The following PRKCB variants were observed in gnomAD, a reference collection of about 807,000 sequenced individuals.
PRKCB encodes protein kinase C beta type.
Under a neutral mutation model 81.5 loss-of-function variants are expected in PRKCB, and 13 were observed. The observed-to-expected ratio is 0.16, with a 90% CI of 0.10 to 0.25. The LOEUF (loss-of-function observed/expected upper bound fraction) is 0.25, where lower values mean the gene tolerates loss of function less well. PRKCB is among the 10% of genes least tolerant of loss of function. The pLI, the probability that PRKCB is intolerant of heterozygous loss-of-function variation, is 1.00. For missense variants in PRKCB, 509 were observed against 875.7 expected, an observed-to-expected ratio of 0.58 and a Z score of 5.29; for synonymous variants, 335 against 321.4, an observed-to-expected ratio of 1.04 and a Z score of -0.45.
intron 5 of PRKCB, among the ~76,000 whole-genome samples, chr16:24,091,499 T>C (rs967322823): frequency 6.6e-6 from 1 of 152,252 alleles, no homozygotes; most frequent in Non-Finnish European, 1.5e-5. Context: ...GGTTTCTGAA[T>C]TGATTCCTAA....
intron 3 of PRKCB, among the ~76,000 whole-genome samples, chr16:23,991,060 G>C (rs1964880514): frequency 6.6e-6 from 1 of 152,160 alleles, no homozygotes; most frequent in South Asian, 2.1e-4. Flanking sequence ...TACCCACTTA[G>C]ACTTGACAGC....
chr16:24,101,456 T>C (rs1326421692), intron 7 of PRKCB, among the ~76,000 whole-genome samples: 1 of 152,180 alleles, frequency 6.6e-6, no homozygotes. Flanking sequence ...GGAGGATCAC[T>C]TGGGCCCAGG....
chr16:24,037,146 G>A (rs964636656), intron 5 of PRKCB, among the ~76,000 whole-genome samples: 13 of 152,032 alleles, frequency 8.6e-5, no homozygotes, highest in East Asian at 5.8e-4. Flanking sequence ...CCACCACCAC[G>A]CCTGGCTAAT....
At chr16:23,919,178 A>T (rs1963787079) in intron 2 of PRKCB, among the ~76,000 whole-genome samples, 1 of 152,192 alleles carries the variant, frequency 6.6e-6, no homozygotes, top group African/African-American at 2.4e-5. Context: ...TCACAGTGTG[A>T]TGTAAGGGAT....
chr16:24,021,050 CTTTCTT>C, intron 3 of PRKCB, among the ~76,000 whole-genome samples: 7 of 82,912 alleles, frequency 8.4e-5, no homozygotes, highest in Non-Finnish European at 1.3e-4. Flanking sequence ...CTCTTTCTTT[CTTTCTT>C]TCCCTCCCTC....
chr16:24,183,952 A>G (rs1037008812), intron 13 of PRKCB, among the ~76,000 whole-genome samples: 2 of 152,234 alleles, frequency 1.3e-5, no homozygotes, highest in African/African-American at 4.8e-5. Context: ...TATATACCAT[A>G]TGATACACCA....
chr16:24,092,479 T>C (rs924044163), intron 5 of PRKCB, among the ~76,000 whole-genome samples: 3 of 152,238 alleles, frequency 2.0e-5, no homozygotes, highest in Non-Finnish European at 2.9e-5. Flanking sequence ...GAAAACGTTA[T>C]GCTAAATGAA....
At chr16:23,873,171 C>A (rs1424013588) in intron 2 of PRKCB, among the ~76,000 whole-genome samples, 2 of 90,276 alleles carry the variant, frequency 2.2e-5, no homozygotes, top group Non-Finnish European at 4.5e-5. Flanking sequence ...CTACTAAAAA[C>A]ACACACACAC....
chr16:23,972,998 T>C (rs1964578688), intron 2 of PRKCB, among the ~76,000 whole-genome samples: 2 of 152,222 alleles, frequency 1.3e-5, no homozygotes, highest in African/African-American at 4.8e-5. Context: ...TTTTAATGTG[T>C]TGTCACATTT....
intron 10 of PRKCB, among the ~76,000 whole-genome samples, chr16:24,165,733 C>T (rs1967331791): frequency 6.6e-6 from 1 of 151,922 alleles, no homozygotes. Flanking sequence ...GATGAATTTC[C>T]ATTTATGACT....
chr16:24,058,751 G>T (rs1018435540), intron 5 of PRKCB, among the ~76,000 whole-genome samples: 3 of 152,196 alleles, frequency 2.0e-5, no homozygotes, highest in Admixed American at 2.0e-4. Flanking sequence ...GCTCACAGAA[G>T]AGCTTGCTCA....
At chr16:24,135,504 G>C (rs1406543692) in intron 9 of PRKCB, among the ~76,000 whole-genome samples, 1 of 151,750 alleles carries the variant, frequency 6.6e-6, no homozygotes, top group African/African-American at 2.4e-5. Context: ...ATAGAGACAG[G>C]GTTTCACCAT....
rs28548742 is a variant in PRKCB, at chr16:24,067,960, G to A, written c.530-24831G>A. 1.2e-3 allele frequency among the ~76,000 whole-genome samples: 164 copies of A among 142,488 alleles called. 1 individual carries two copies. Among genetic ancestry groups the A allele is most frequent in the African/African-American group, 4.1e-3 (159 of 38,432 alleles). The allele number at this position is 142,488 out of a possible 152,430, so 93.5% of individuals were successfully genotyped here. A position where few individuals can be genotyped will look rare whatever the true frequency, so the allele number is the denominator to read the frequency against. ...CCGTCTCAAAAAAAAAAAAAAAAAA[G>A]AGAGAGAGAGAGAGCTGAGGAAGAG... is the stretch of plus-strand genomic sequence containing the variant. On this transcript the variant is annotated intron_variant, in intron 5 of 16. Coordinates refer to ENST00000643927, the MANE Select transcript of PRKCB (RefSeq NM_002738.7).
rs1963443036 is a variant in PRKCB at position 23,899,873 on chromosome 16, G to T, written c.205+62467G>T. On this transcript the variant is annotated intron_variant, in intron 2 of 16. Coordinates refer to ENST00000643927, the MANE Select transcript of PRKCB (RefSeq NM_002738.7). ...TATTTATTTATTTATTTATTGTAGA[G>T]ATAGGGCCTTGCTATGTTGCTCAGG... 2.0e-5 allele frequency among the ~76,000 whole-genome samples: 3 copies of T among 151,178 alleles called. 1 individual carries two copies. In the South Asian group the frequency reaches 6.3e-4, roughly 32 times the overall value.
At chr16:23,921,827 A>C (rs1333980079) in intron 2 of PRKCB, among the ~76,000 whole-genome samples, 4 of 152,202 alleles carry the variant, frequency 2.6e-5, no homozygotes, top group African/African-American at 9.7e-5. Context: ...CTATACCCTC[A>C]TATCACAATA....
intron 2 of PRKCB, among the ~76,000 whole-genome samples, chr16:23,867,415 C>A (rs1962827740): frequency 6.6e-6 from 1 of 152,232 alleles, no homozygotes; most frequent in African/African-American, 2.4e-5. Flanking sequence ...AGCCGCTACT[C>A]CCAGCCACCT....
At chr16:23,862,407 C>T (rs1056970697) in intron 2 of PRKCB, among the ~76,000 whole-genome samples, 2 of 152,110 alleles carry the variant, frequency 1.3e-5, no homozygotes, top group African/African-American at 2.4e-5. Context: ...TTCCAGAAGC[C>T]GTGAGTGACC....
chr16:24,127,965 C>G (rs1966847326), intron 9 of PRKCB, among the ~76,000 whole-genome samples: 2 of 152,130 alleles, frequency 1.3e-5, no homozygotes, highest in Non-Finnish European at 2.9e-5. Flanking sequence ...AACAGAAGAA[C>G]ACAGCTGCAG....
intron 8 of PRKCB, among the ~76,000 whole-genome samples, chr16:24,122,609 A>G (rs963350992): frequency 6.6e-6 from 1 of 151,960 alleles, no homozygotes; most frequent in Non-Finnish European, 1.5e-5. Flanking sequence ...ACAGGTGCAC[A>G]CCACCTTGCC....
Sources: allele counts gnomAD v4.1 joint callset (sites outside exome capture counted in the v4.1 genomes callset), GRCh38; gene constraint gnomAD v4.1.1; transcripts MANE v1.5; gene names NCBI Gene and HGNC (gene_info 2026-07-23, HGNC 2026-07-21).